Variants in DIAPH3 observed in about 807,000 individuals in gnomAD.
DIAPH3 encodes the protein diaphanous related formin 3, also known as protein diaphanous homolog 3.
DIAPH3 carries 117 observed loss-of-function variants against 144.3 expected under a neutral mutation model. That is an observed-to-expected ratio of 0.81 (90% CI 0.70 to 0.95). The LOEUF is 0.95. DIAPH3 is among the 40% of genes least tolerant of loss of function. The pLI, the probability that DIAPH3 is intolerant of heterozygous loss-of-function variation, is 0.00. For synonymous variants in DIAPH3, 519 were observed against 488.9 expected (o/e 1.06, Z -0.81); for missense variants, 1,421 against 1,412.7 (o/e 1.01, Z -0.09).
intron 24 of DIAPH3, among the ~76,000 whole-genome samples, chr13:59,825,592 A>T (rs1418377852): frequency 6.6e-6 from 1 of 152,114 alleles, no homozygotes; most frequent in Non-Finnish European, 1.5e-5. Flanking sequence ...CTAGTTCTAG[A>T]TCCCTGAGGA....
intron 5 of DIAPH3, among the ~76,000 whole-genome samples, chr13:60,019,569 G>C (rs1460124228): frequency 1.4e-5 from 2 of 146,674 alleles, no homozygotes; most frequent in African/African-American, 5.0e-5. Flanking sequence ...CAATATAGGA[G>C]AAAAGAAGAG....
intron 17 of DIAPH3, among the ~76,000 whole-genome samples, chr13:59,965,319 A>G (rs1429585821): frequency 6.6e-6 from 1 of 152,204 alleles, no homozygotes; most frequent in Admixed American, 6.5e-5. Flanking sequence ...TCAGAAAGCT[A>G]ACAATTGTGG....
intron 22 of DIAPH3, among the ~76,000 whole-genome samples, chr13:59,860,295 T>G (rs2043503604): frequency 6.6e-6 from 1 of 152,114 alleles, no homozygotes; most frequent in South Asian, 2.1e-4. Context: ...ATAAAGAGGT[T>G]ATAAAGACAA....
intron 22 of DIAPH3, among the ~76,000 whole-genome samples, chr13:59,858,244 A>G (rs976124956): frequency 1.2e-4 from 19 of 152,292 alleles, no homozygotes; most frequent in African/African-American, 4.6e-4. Flanking sequence ...CAATGCATAG[A>G]CACTGCACAG....
intron 24 of DIAPH3, among the ~76,000 whole-genome samples, chr13:59,812,891 G>A (rs2040562411): frequency 6.6e-6 from 1 of 152,140 alleles, no homozygotes; most frequent in Non-Finnish European, 1.5e-5. Context: ...AAGCACCTTT[G>A]TTTCGAACTA....
intron 17 of DIAPH3, among the ~76,000 whole-genome samples, chr13:59,937,356 CAG>C (rs1322717057): frequency 6.6e-6 from 1 of 152,156 alleles, no homozygotes; most frequent in African/African-American, 2.4e-5. Flanking sequence ...AGTGAGAACT[CAG>C]TGTACATTCC....
intron 25 of DIAPH3, among the ~76,000 whole-genome samples, chr13:59,783,295 G>T (rs770280635): frequency 2.0e-5 from 3 of 152,152 alleles, no homozygotes; most frequent in Non-Finnish European, 4.4e-5. Context: ...CTGATTTCCA[G>T]GCATTTGGCT....
intron 12 of DIAPH3, among the ~76,000 whole-genome samples, chr13:59,984,484 C>T (rs2051254433): frequency 6.6e-6 from 1 of 150,844 alleles, no homozygotes; most frequent in South Asian, 2.1e-4. Context: ...TTCATGTTGT[C>T]ATTACAGTTA....
chr13:59,957,860 T>C (rs1386955369), intron 17 of DIAPH3, among the ~76,000 whole-genome samples: 1 of 152,192 alleles, frequency 6.6e-6, no homozygotes, highest in Non-Finnish European at 1.5e-5. Flanking sequence ...ATTTTAGCTC[T>C]CCTGGGTTGA....
At chr13:59,974,914 A>C (rs2050583178) in intron 14 of DIAPH3, among the ~76,000 whole-genome samples, 1 of 152,064 alleles carries the variant, frequency 6.6e-6, no homozygotes, top group Non-Finnish European at 1.5e-5. Flanking sequence ...ATTACTAAAC[A>C]ACTCCATTCT....
intron 17 of DIAPH3, among the ~76,000 whole-genome samples, chr13:59,936,452 C>A (rs896086813): frequency 2.6e-5 from 4 of 152,052 alleles, no homozygotes; most frequent in Non-Finnish European, 5.9e-5. Flanking sequence ...GAGTTCAAAT[C>A]AAATAAAATA....
intron 1 of DIAPH3, among the ~76,000 whole-genome samples, chr13:60,143,595 C>T (rs1477289292): frequency 6.6e-6 from 1 of 152,170 alleles, no homozygotes; most frequent in African/African-American, 2.4e-5. Flanking sequence ...CAAGGATACT[C>T]CCAATAGTCT....
intron 27 of DIAPH3, among the ~76,000 whole-genome samples, chr13:59,685,657 C>T (rs1394988391): frequency 6.6e-6 from 1 of 152,038 alleles, no homozygotes; most frequent in Non-Finnish European, 1.5e-5. Context: ...TCGCCTAGAT[C>T]ATGGATTCCT....
intron 17 of DIAPH3, among the ~76,000 whole-genome samples, chr13:59,945,264 A>T (rs942717553): frequency 1.3e-5 from 2 of 152,078 alleles, no homozygotes; most frequent in African/African-American, 4.8e-5. Context: ...CACACCCCTC[A>T]TCATACCTTG....
intron 1 of DIAPH3, among the ~76,000 whole-genome samples, chr13:60,151,318 G>C (rs555919672): frequency 1.3e-5 from 2 of 152,228 alleles, no homozygotes; most frequent in Admixed American, 1.3e-4. Flanking sequence ...TTTTATAGAA[G>C]GGAAAACAGA....
intron 1 of DIAPH3, among the ~76,000 whole-genome samples, chr13:60,151,315 G>C (rs1951770361): frequency 6.6e-6 from 1 of 152,146 alleles, no homozygotes; most frequent in South Asian, 2.1e-4. Flanking sequence ...CCATTTTATA[G>C]AAGGGAAAAC....
At chr13:59,976,508 A>G (rs910428521) in intron 14 of DIAPH3, among the ~76,000 whole-genome samples, 3 of 151,980 alleles carry the variant, frequency 2.0e-5, no homozygotes, top group Non-Finnish European at 2.9e-5. Flanking sequence ...CCACCATCCC[A>G]TATTAGACAG....
intron 4 of DIAPH3, among the ~76,000 whole-genome samples, chr13:60,049,590 C>A (rs1169872565): frequency 1.3e-5 from 2 of 152,208 alleles, no homozygotes; most frequent in South Asian, 2.1e-4. Flanking sequence ...TCGTGAGCCA[C>A]GCAATGGGTC....
intron 1 of DIAPH3, 113 bp downstream of exon 1, chr13:60,163,474 C>G: frequency 1.4e-6 from 2 of 1,438,552 alleles, no homozygotes; most frequent in Admixed American, 4.1e-5. Flanking sequence ...ATCTTTGGCA[C>G]CTCTGGATCT....
Sources: allele counts gnomAD v4.1 joint callset (sites outside exome capture counted in the v4.1 genomes callset), GRCh38; gene constraint gnomAD v4.1.1; transcripts MANE v1.5; gene names NCBI Gene and HGNC (gene_info 2026-07-23, HGNC 2026-07-21).